TBC1D5: variants seen among roughly 807,000 people sequenced by gnomAD.
The protein encoded by TBC1D5 is TBC1 domain family, member 5.
A neutral mutation model predicts 100.3 loss-of-function variants in TBC1D5; 75 were observed. The ratio of observed to expected loss-of-function variants is 0.75; its 90% confidence interval spans 0.62 to 0.91. TBC1D5 has a LOEUF of 0.91. Ranked by LOEUF, TBC1D5 falls within the 40% of genes least tolerant of loss-of-function variation. The pLI is 0.00. For missense variants in TBC1D5, 910 were observed against 942.4 expected (o/e 0.97, Z 0.45); for synonymous variants, 323 against 325.6 (o/e 0.99, Z 0.09).
chr3:17,570,354 T>C (rs1286266820), intron 2 of TBC1D5, among the ~76,000 whole-genome samples: 1 of 151,998 alleles, frequency 6.6e-6, no homozygotes, highest in Non-Finnish European at 1.5e-5. Flanking sequence ...AAACTAGGCA[T>C]CATTCCCACT....
intron 1 of TBC1D5, among the ~76,000 whole-genome samples, chr3:17,718,570 C>A (rs967377797): frequency 6.6e-6 from 1 of 152,140 alleles, no homozygotes; most frequent in Non-Finnish European, 1.5e-5. Flanking sequence ...GCACTCCAGC[C>A]TGGGTGACAG....
At chr3:17,294,021 CAG>C (rs771587074) in intron 14 of TBC1D5, among the ~76,000 whole-genome samples, 31 of 152,324 alleles carry the variant, frequency 2.0e-4, no homozygotes, top group Non-Finnish European at 4.1e-4. Context: ...AGTCTAGCTG[CAG>C]AGTCTGTACT....
chr3:17,219,047 T>C (rs2073984963), intron 17 of TBC1D5, among the ~76,000 whole-genome samples: 1 of 151,880 alleles, frequency 6.6e-6, no homozygotes, highest in South Asian at 2.1e-4. Flanking sequence ...TGTATGTTAT[T>C]ATGCTTCATG....
chr3:17,346,343 T>G (rs2089873145), intron 13 of TBC1D5, among the ~76,000 whole-genome samples: 1 of 152,162 alleles, frequency 6.6e-6, no homozygotes, highest in Non-Finnish European at 1.5e-5. Flanking sequence ...TAGCATGGTT[T>G]TGATTACAAA....
intron 15 of TBC1D5, 62 bp from the exon 16 acceptor site, chr3:17,258,653 G>A: frequency 7.8e-7 from 1 of 1,286,044 alleles, no homozygotes; most frequent in Non-Finnish European, 1.1e-6. Context: ...CATATAAGAG[G>A]ACAGCAATGA....
intron 15 of TBC1D5, among the ~76,000 whole-genome samples, chr3:17,267,986 G>C (rs1259973650): frequency 6.6e-6 from 1 of 152,050 alleles, no homozygotes; most frequent in Non-Finnish European, 1.5e-5. Flanking sequence ...AAATTTCTAA[G>C]TGAAGGAAGA....
At chr3:17,161,227 A>C in exon 22 of TBC1D5, 1 of 1,613,782 alleles carries the variant, frequency 6.2e-7, no homozygotes, top group African/African-American at 1.3e-5. Flanking sequence ...AATTCCCTCT[A>C]TCAGTGCACC....
At position 17,529,642 on chromosome 3, in the gene TBC1D5, TA is replaced by T. The variant is rs1420040819; in HGVS notation, c.-35-21038del. On this transcript the variant is annotated intron_variant, in intron 2 of 21. Coordinates refer to ENST00000253692, the Ensembl canonical transcript of TBC1D5. ...GCTGGTACAAAGAAGGCATTATTAT[TA>T]TTATTATTTTTATTTTTTTTTGAGA... Among the ~76,000 whole-genome samples, 519 of 151,972 alleles carry T rather than the reference TA, an allele frequency of 3.4e-3. 3 individuals carry two copies. Among genetic ancestry groups the T allele is most frequent in the African/African-American group, 0.012 (491 of 41,396 alleles).
chr3:17,674,985 A>AT (rs1316096844), intron 1 of TBC1D5, among the ~76,000 whole-genome samples: 1 of 152,132 alleles, frequency 6.6e-6, no homozygotes, highest in Non-Finnish European at 1.5e-5. Context: ...ATGAAGCAAA[A>AT]TACTAGTATA....
intron 19 of TBC1D5, among the ~76,000 whole-genome samples, chr3:17,178,226 T>C (rs535234252): frequency 4.8e-4 from 73 of 152,106 alleles, no homozygotes; most frequent in Admixed American, 1.6e-3. Flanking sequence ...CCACCACGCC[T>C]GGCTAATTTT....
intron 18 of TBC1D5, among the ~76,000 whole-genome samples, chr3:17,192,392 T>C (rs1375619075): frequency 1.3e-5 from 2 of 151,930 alleles, no homozygotes; most frequent in African/African-American, 4.8e-5. Flanking sequence ...ATAATTAGCA[T>C]ATTTTGTCCC....
At chr3:17,281,005 C>T (rs1209413190) in intron 15 of TBC1D5, among the ~76,000 whole-genome samples, 2 of 152,210 alleles carry the variant, frequency 1.3e-5, no homozygotes, top group Non-Finnish European at 2.9e-5. Flanking sequence ...TGCTCCCTCC[C>T]GCAAGGGGTT....
At chr3:17,454,702 C>T (rs747309657) in intron 3 of TBC1D5, among the ~76,000 whole-genome samples, 2 of 152,024 alleles carry the variant, frequency 1.3e-5, no homozygotes, top group East Asian at 1.9e-4. Flanking sequence ...CCTCGTGATC[C>T]GCCTGCCTCG....
At chr3:17,334,661 AG>A (rs1392682025) in intron 13 of TBC1D5, among the ~76,000 whole-genome samples, 1 of 152,154 alleles carries the variant, frequency 6.6e-6, no homozygotes, top group Admixed American at 6.5e-5. Context: ...CTCATTGTTA[AG>A]GGCAAATACA....
chr3:17,704,600 G>A (rs1459032287), intron 1 of TBC1D5, among the ~76,000 whole-genome samples: 2 of 78,190 alleles, frequency 2.6e-5, no homozygotes, highest in African/African-American at 4.3e-5. Flanking sequence ...CGGGCGGGGG[G>A]CCGACACCCC....
intron 1 of TBC1D5, among the ~76,000 whole-genome samples, chr3:17,641,298 A>G (rs907897743): frequency 6.6e-6 from 1 of 152,002 alleles, no homozygotes; most frequent in Admixed American, 6.6e-5. Flanking sequence ...TACACAAACT[A>G]CATTCTGTAC....
At chr3:17,640,540 T>C (rs1238434611) in intron 1 of TBC1D5, among the ~76,000 whole-genome samples, 3 of 151,928 alleles carry the variant, frequency 2.0e-5, no homozygotes, top group Non-Finnish European at 4.4e-5. Flanking sequence ...AAAAAGAACA[T>C]TATAAAAGAA....
At chr3:17,540,236 C>T (rs2096336478) in intron 2 of TBC1D5, among the ~76,000 whole-genome samples, 2 of 152,094 alleles carry the variant, frequency 1.3e-5, no homozygotes, top group Admixed American at 1.3e-4. Flanking sequence ...ATTATATAAC[C>T]CTTTTCAGAT....
chr3:17,629,545 T>C (rs4470554), intron 1 of TBC1D5, among the ~76,000 whole-genome samples: 89,536 of 151,996 alleles, frequency 0.59, 27,064 homozygotes, highest in East Asian at 0.99. Context: ...CAAACACAAG[T>C]AGCAATACAA....
Sources: gnomAD v4.1 joint callset for allele counts (sites outside exome capture counted in the v4.1 genomes callset) on GRCh38, gnomAD v4.1.1 for gene constraint, MANE v1.5 for transcripts, NCBI Gene and HGNC (gene_info 2026-07-23, HGNC 2026-07-21) for gene names.